Variants in GLG1 observed in about 807,000 individuals in gnomAD.
GLG1 encodes the protein Golgi apparatus protein 1.
In GLG1, 38 loss-of-function variants were observed where a neutral mutation model predicts 160.5. That is an observed-to-expected ratio of 0.24 (90% CI 0.18 to 0.31). GLG1 has a LOEUF of 0.31. Ranked by LOEUF, GLG1 falls within the 10% of genes least tolerant of loss-of-function variation. GLG1 has a pLI of 1.00. For missense variants in GLG1, 1,373 were observed against 1,505.2 expected, an observed-to-expected ratio of 0.91 and a Z score of 1.45; for synonymous variants, 644 against 543.4, an observed-to-expected ratio of 1.19 and a Z score of -2.57.
intron 1 of GLG1, among the ~76,000 whole-genome samples, chr16:74,594,828 G>T (rs773803302): frequency 2.0e-5 from 3 of 152,130 alleles, no homozygotes; most frequent in Non-Finnish European, 2.9e-5. Context: ...ACACTTTGAA[G>T]GGGTAAATCC....
chr16:74,549,218 T>C (rs373185484), intron 1 of GLG1, among the ~76,000 whole-genome samples: 58 of 151,880 alleles, frequency 3.8e-4, no homozygotes, highest in African/African-American at 1.4e-3. Context: ...GACCACAGTA[T>C]GCTTTCTATC....
chr16:74,575,787 T>C (rs1438048808), intron 1 of GLG1, among the ~76,000 whole-genome samples: 1 of 152,174 alleles, frequency 6.6e-6, no homozygotes, highest in Non-Finnish European at 1.5e-5. Context: ...ATTGATTTCA[T>C]AGAGAAGTGG....
Position 74,507,778 on chromosome 16 carries a change from G to C in GLG1, c.558+1061C>G, listed in dbSNP as rs539155527. 3.3e-5 allele frequency among the ~76,000 whole-genome samples: 5 copies of C among 152,152 alleles called. No homozygotes were observed. In the East Asian group the frequency reaches 5.8e-4, roughly 18 times the overall value. On this transcript the variant is annotated intron_variant, in intron 3 of 25. Transcript: ENST00000422840. Reference sequence around the variant, plus strand: ...TACAATTGTATAGTACCACAATATAGAGGGAAAATACAAACATTTAAAGTT... The same window carrying C: ...TACAATTGTATAGTACCACAATATACAGGGAAAATACAAACATTTAAAGTT...
At chr16:74,462,654 G>C in intron 20 of GLG1, 24 bp from the exon 21 acceptor site, 1 of 1,612,226 alleles carries the variant, frequency 6.2e-7, no homozygotes, top group South Asian at 1.1e-5. Flanking sequence ...CAGTGAGCAT[G>C]TGACAAAACA....
intron 12 of GLG1, 96 bp from the exon 13 acceptor site, chr16:74,474,728 GTCC>G (rs780729980): frequency 1.3e-6 from 1 of 759,046 alleles, no homozygotes; most frequent in Non-Finnish European, 2.4e-6. Flanking sequence ...CTTTTCAGTG[GTCC>G]TCCTTTCTCT....
chr16:74,512,484 C>T (rs988231012), intron 2 of GLG1, among the ~76,000 whole-genome samples: 1 of 151,954 alleles, frequency 6.6e-6, no homozygotes, highest in Non-Finnish European at 1.5e-5. Context: ...AGGATGGTCT[C>T]GATCTCCTGA....
At position 74,467,798 on chromosome 16, in the gene GLG1, G is replaced by A; in HGVS notation, c.2487C>T (p.Asp829=). 1 of 1,613,542 alleles carries A rather than the reference G, an allele frequency of 6.2e-7. No homozygotes were observed. Among genetic ancestry groups the A allele is most frequent in the Non-Finnish European group, 8.5e-7 (1 of 1,179,528 alleles). ...EPDLYEACKS[D]IKNFCSAVQY... is the part of the protein sequence containing the mutation. ...GCACAGCGGAACAGAAGTTTTTGAT[G>A]TCACTCTTGCAGGCTTCGTATAGAT... The change falls in exon 18 of 26, where the codon GAC becomes GAT. Residue 829 remains aspartate (D), a synonymous_variant. Transcript: ENST00000422840.
intron 1 of GLG1, among the ~76,000 whole-genome samples, chr16:74,559,189 G>T (rs750153452): frequency 6.6e-6 from 1 of 151,938 alleles, no homozygotes; most frequent in Non-Finnish European, 1.5e-5. Context: ...TTTAAACGAG[G>T]TATCTGAGTA....
intron 8 of GLG1, among the ~76,000 whole-genome samples, chr16:74,486,195 G>C (rs886837576): frequency 6.6e-6 from 1 of 152,188 alleles, no homozygotes; most frequent in African/African-American, 2.4e-5. Context: ...GAATATGAAG[G>C]CTGCCTCTTT....
At chr16:74,506,748 C>T (rs751063978) in intron 3 of GLG1, among the ~76,000 whole-genome samples, 12 of 151,966 alleles carry the variant, frequency 7.9e-5, no homozygotes, top group Non-Finnish European at 1.5e-4. Context: ...TACAACAGGG[C>T]GTGGTGTTAG....
intron 1 of GLG1, among the ~76,000 whole-genome samples, chr16:74,591,777 T>C (rs1310039849): frequency 1.3e-5 from 2 of 152,206 alleles, no homozygotes; most frequent in Admixed American, 1.3e-4. Flanking sequence ...AGGCCTTACA[T>C]ATTATTTTCC....
chr16:74,486,983 T>C (rs895714751), intron 8 of GLG1, among the ~76,000 whole-genome samples: 1 of 151,068 alleles, frequency 6.6e-6, no homozygotes, highest in African/African-American at 2.4e-5. Flanking sequence ...GCATGATCTC[T>C]GCTCACTGCA....
At chr16:74,549,324 T>C in intron 1 of GLG1, among the ~76,000 whole-genome samples, 1 of 152,106 alleles carries the variant, frequency 6.6e-6, no homozygotes, top group Middle Eastern at 3.2e-3. Flanking sequence ...TATGGAGTCT[T>C]GCTCTGTTGC....
chr16:74,585,709 CAAAA>C (rs556357835), intron 1 of GLG1, among the ~76,000 whole-genome samples: 2 of 100,186 alleles, frequency 2.0e-5, no homozygotes. Flanking sequence ...GACTCCGTCT[CAAAA>C]AAAAAAAAAA....
chr16:74,466,157 G>A (rs556968350), intron 18 of GLG1, among the ~76,000 whole-genome samples: 305 of 152,270 alleles, frequency 2.0e-3, no homozygotes, highest in African/African-American at 6.9e-3. Context: ...CAACAGCTCC[G>A]ACTAGACAGT....
intron 9 of GLG1, among the ~76,000 whole-genome samples, chr16:74,484,863 C>T (rs974336832): frequency 6.6e-6 from 1 of 152,164 alleles, no homozygotes; most frequent in African/African-American, 2.4e-5. Flanking sequence ...CGTGATCCGC[C>T]AGCCTCAGCC....
chr16:74,463,495 T>C lies in GLG1; in HGVS notation c.2668-16A>G, dbSNP rs1335461592. On this transcript the variant is annotated splice_polypyrimidine_tract_variant and intron_variant, in intron 19 of 25. Coordinates refer to ENST00000422840, the MANE Select transcript of GLG1 (RefSeq NM_001145667.2). Reference sequence around the variant, plus strand: ...GACAGAACCTCTGCAAAGAAACAGTTTGATAAAAACAGCTATCTAAACATG... The same window carrying C: ...GACAGAACCTCTGCAAAGAAACAGTCTGATAAAAACAGCTATCTAAACATG... 1.9e-6 allele frequency: 3 copies of C among 1,613,264 alleles called. No homozygotes were observed. Among genetic ancestry groups the C allele is most frequent in the Non-Finnish European group, 2.5e-6 (3 of 1,179,692 alleles).
At position 74,453,132 on chromosome 16, in the gene GLG1, C is replaced by G. The variant is rs780075829; in HGVS notation, c.*35G>C. On this transcript the variant is annotated 3_prime_UTR_variant, in exon 26 of 26. Coordinates refer to ENST00000422840, the MANE Select transcript of GLG1 (RefSeq NM_001145667.2). ...ACAAGAGGGCTGTACAAACTGGGCACTGGATAGGTAGTTCCTTTGGTGGTC... is the reference window on the plus strand; with the variant it reads ...ACAAGAGGGCTGTACAAACTGGGCAGTGGATAGGTAGTTCCTTTGGTGGTC... 6.2e-7 allele frequency: 1 copy of G among 1,605,864 alleles called. No homozygotes were observed. Among genetic ancestry groups the G allele is most frequent in the East Asian group, 2.2e-5 (1 of 44,796 alleles).
chr16:74,539,983 A>AT (rs2017788699), intron 1 of GLG1, among the ~76,000 whole-genome samples: 4 of 2,402 alleles, frequency 1.7e-3, no homozygotes, highest in African/African-American at 2.6e-3. Context: ...AACAAATACA[A>AT]ATATATATAT....
Sources: allele counts gnomAD v4.1 joint callset (sites outside exome capture counted in the v4.1 genomes callset), GRCh38; gene constraint gnomAD v4.1.1; transcripts MANE v1.5; gene names NCBI Gene and HGNC (gene_info 2026-07-23, HGNC 2026-07-21).